DNAH17: variants seen among roughly 807,000 people sequenced by gnomAD.
The protein encoded by DNAH17 is axonemal beta dynein heavy chain 17.
A neutral mutation model predicts 485.6 loss-of-function variants in DNAH17; 376 were observed. That is an observed-to-expected ratio of 0.77 (90% confidence interval 0.71 to 0.84). DNAH17 has a LOEUF of 0.84. Among genes scored for constraint, DNAH17 ranks in the 40% least tolerant of loss-of-function variants. The pLI is 0.00. For missense variants in DNAH17, 6,370 were observed against 5,839.3 expected (o/e 1.09, Z -2.96); for synonymous variants, 3,031 against 2,405.9 (o/e 1.26, Z -7.60).
At chr17:78,451,810 C>G (rs1763968168) in intron 65 of DNAH17, 137 bp from the exon 66 acceptor site, 1 of 678,732 alleles carries the variant, frequency 1.5e-6, no homozygotes, top group African/African-American at 1.8e-5. Context: ...TGGAAGAGCA[C>G]TGCACCTCTC....
intron 72 of DNAH17, among the ~76,000 whole-genome samples, chr17:78,440,222 A>C (rs2146455820): frequency 7.6e-6 from 1 of 132,100 alleles, no homozygotes; most frequent in South Asian, 2.6e-4. Flanking sequence ...GCTGTGAGCC[A>C]CTGCACCTGG....
intron 11 of DNAH17, among the ~76,000 whole-genome samples, chr17:78,565,361 A>G (rs2092245950): frequency 1.3e-5 from 2 of 152,226 alleles, no homozygotes; most frequent in Non-Finnish European, 2.9e-5. Context: ...TCGATCCAAG[A>G]CTTACTTGAT....
intron 71 of DNAH17, among the ~76,000 whole-genome samples, chr17:78,443,322 G>T (rs1055909450): frequency 3.9e-5 from 6 of 152,102 alleles, no homozygotes; most frequent in African/African-American, 1.2e-4. Context: ...CTTTACCTTG[G>T]CCTTTCCCAA....
chr17:78,550,462 A>G (rs779800616), intron 16 of DNAH17, among the ~76,000 whole-genome samples: 2 of 152,298 alleles, frequency 1.3e-5, no homozygotes, highest in African/African-American at 2.4e-5. Context: ...TGAGAGCTTT[A>G]AAGAGGTGCT....
chr17:78,533,351 G>A (rs765675629), intron 19 of DNAH17, among the ~76,000 whole-genome samples: 2 of 152,168 alleles, frequency 1.3e-5, no homozygotes, highest in East Asian at 1.9e-4. Flanking sequence ...GAATGGCCCC[G>A]AGGAAATGGC....
Position 78,476,582 on chromosome 17 carries a change from T to G in DNAH17, c.8144A>C (p.Lys2715Thr). 6.2e-7 allele frequency: 1 copy of G among 1,610,186 alleles called. No individual in the cohort carries two copies. Among genetic ancestry groups the G allele is most frequent in the South Asian group, 1.1e-5 (1 of 90,092 alleles). Residue 2715 changes from lysine to threonine, a missense_variant, in exon 52 of 81, where the codon AAG becomes ACG. By Grantham distance (78) the Lys-to-Thr change is moderately conservative. Transcript: ENST00000389840. ...LHRVTMASTK[K>T]FFDDLGDELL... ...GGCAGCTTGACTTACATCAAAGAAC[T>G]TCTTGGTGGAGGCCATGGTGACTCT...
At chr17:78,483,487 G>A (rs2089441682) in intron 48 of DNAH17, among the ~76,000 whole-genome samples, 1 of 152,090 alleles carries the variant, frequency 6.6e-6, no homozygotes, top group Non-Finnish European at 1.5e-5. Context: ...AAAATTAGGT[G>A]GGCATGGTGG....
chr17:78,513,174 G>A (rs75698781), intron 26 of DNAH17, among the ~76,000 whole-genome samples: 301 of 152,124 alleles, frequency 2.0e-3, no homozygotes, highest in Non-Finnish European at 3.7e-3. Flanking sequence ...AGGAGGCTGG[G>A]GGACAGGCCT....
chr17:78,448,150 C>T (rs1431667408), intron 69 of DNAH17, among the ~76,000 whole-genome samples: 1 of 150,350 alleles, frequency 6.7e-6, no homozygotes, highest in Non-Finnish European at 1.5e-5. Context: ...CCAGCCCGGG[C>T]AACAAGAGGA....
At chr17:78,490,925 C>T (rs569041353) in intron 43 of DNAH17, 78 bp from the exon 44 acceptor site, 52 of 1,455,816 alleles carry the variant, frequency 3.6e-5, no homozygotes, top group South Asian at 8.3e-5. Flanking sequence ...GGGGGTTACT[C>T]GGAGCAAACC....
intron 20 of DNAH17, among the ~76,000 whole-genome samples, chr17:78,532,028 T>C (rs1325633513): frequency 6.6e-6 from 1 of 152,194 alleles, no homozygotes; most frequent in Admixed American, 6.5e-5. Context: ...ACCATCCCCT[T>C]GATGGGGCTC....
In DNAH17 at chr17:78,561,784, A is replaced by AGCT; in HGVS notation, c.1763_1765dup (p.Gln588dup). The AGCT allele has an allele frequency of 1.2e-6, 2 of 1,613,430 alleles. No individual in the cohort carries two copies. On this transcript the variant is annotated inframe_insertion, in exon 12 of 81. Transcript: ENST00000389840. The stretch of plus-strand genomic sequence containing the variant: ...CTCCTGCAGCTCCAGGCTCCATTTG[A>AGCT]GCTGCCCGGCCACGGGAGGCATGTT...
At chr17:78,553,796 A>G (rs1568245655) in intron 14 of DNAH17, among the ~76,000 whole-genome samples, 1 of 152,168 alleles carries the variant, frequency 6.6e-6, no homozygotes, top group Non-Finnish European at 1.5e-5. Flanking sequence ...GGTTGGTGTA[A>G]AAGTAATTGC....
chr17:78,537,448 C>G lies in DNAH17; in HGVS notation c.2710G>C (p.Glu904Gln). 1 of 1,613,434 alleles carries G rather than the reference C, an allele frequency of 6.2e-7. No homozygotes were observed. Among genetic ancestry groups the G allele is most frequent in the Non-Finnish European group, 8.5e-7 (1 of 1,179,868 alleles). ...AAGGTCAGCCCATCCTCGTCCAGCTCCATGCGGATCTCAAACAGGGGAGCG... is the reference window on the plus strand; with the variant it reads ...AAGGTCAGCCCATCCTCGTCCAGCTGCATGCGGATCTCAAACAGGGGAGCG... ...SIAPLFEIRM[E>Q]LDEDGLTFNP... Residue 904 changes from glutamate to glutamine, a missense_variant, in exon 19 of 81, where the codon GAG (glutamate) becomes CAG (glutamine). Transcript: ENST00000389840.
Position 78,499,082 on chromosome 17 carries a change from G to A in DNAH17, c.5671C>T (p.Gln1891Ter), listed in dbSNP as rs766088856. The change falls in exon 37 of 81, where the codon CAG becomes TAG. Residue 1891 changes from glutamine to a stop codon, truncating the protein, a stop_gained. Transcript: ENST00000389840. LOFTEE classifies it high-confidence loss of function. ...SCGNIYKGLAQTGAWGCFDEF... is the reference protein window; with the variant it reads ...SCGNIYKGLA ...TCAAAGCAGCCCCAGGCTCCCGTCT[G>A]GGCCAGGCCCTTGTAGATATTTCCA... The A allele has an allele frequency of 1.2e-6, 2 of 1,607,152 alleles. No homozygotes were observed. Among genetic ancestry groups the A allele is most frequent in the East Asian group, 2.3e-5 (1 of 44,174 alleles).
At chr17:78,567,666 T>C (rs960067095) in intron 9 of DNAH17, among the ~76,000 whole-genome samples, 5 of 152,152 alleles carry the variant, frequency 3.3e-5, no homozygotes, top group African/African-American at 4.8e-5. Context: ...GACACACGTG[T>C]AGAAAATTCT....
In DNAH17 at chr17:78,543,570, G is replaced by T. The variant is rs142204980; in HGVS notation, c.2532+287C>A. On this transcript the variant is annotated intron_variant, in intron 17 of 80. Transcript: ENST00000389840. ...CTCCCAAAGTGCTGGGATTACAGGCGTGAGCCACCGCGCCCGGCCAATTTT... is the reference window on the plus strand; with the variant it reads ...CTCCCAAAGTGCTGGGATTACAGGCTTGAGCCACCGCGCCCGGCCAATTTT... Among the ~76,000 whole-genome samples, 1,137 of 152,110 alleles carry T rather than the reference G, an allele frequency of 7.5e-3. 14 individuals are homozygous for T. Among genetic ancestry groups the T allele is most frequent in the African/African-American group, 0.026 (1,064 of 41,492 alleles).
intron 22 of DNAH17, 46 bp from the exon 23 acceptor site, chr17:78,527,042 C>T: frequency 6.9e-7 from 1 of 1,444,278 alleles, no homozygotes; most frequent in African/African-American, 1.4e-5. Flanking sequence ...CATTTCTTTT[C>T]TTAAACCTTC....
At chr17:78,559,777 CTCTCA>C (rs1341437009) in intron 13 of DNAH17, among the ~76,000 whole-genome samples, 1 of 152,054 alleles carries the variant, frequency 6.6e-6, no homozygotes, top group African/African-American at 2.4e-5. Flanking sequence ...TCCTCGTCAC[CTCTCA>C]TCTCTTCTCC....
Sources: allele counts gnomAD v4.1 joint callset (sites outside exome capture counted in the v4.1 genomes callset), GRCh38; gene constraint gnomAD v4.1.1; transcripts MANE v1.5; gene names NCBI Gene and HGNC (gene_info 2026-07-23, HGNC 2026-07-21).